Variants in METAP1D observed in about 807,000 individuals in gnomAD.
The protein encoded by METAP1D is methionine aminopeptidase 1D, mitochondrial.
METAP1D carries 31 observed loss-of-function variants against 40.5 expected under a neutral mutation model. The observed-to-expected ratio is 0.77, with a 90% CI of 0.58 to 1.03. METAP1D has a LOEUF of 1.03. Ranked by LOEUF, METAP1D falls within the 50% of genes least tolerant of loss-of-function variation. The pLI is 0.00. For missense variants in METAP1D, 411 were observed against 420.7 expected (o/e 0.98, Z 0.20); for synonymous variants, 151 against 146.4 (o/e 1.03, Z -0.22).
chr2:172,000,053 T>C, intron 1 of METAP1D, 44 bp downstream of exon 1: 1 of 1,270,370 alleles, frequency 7.9e-7, no homozygotes, highest in Non-Finnish European at 1.0e-6. Flanking sequence ...GCACGGTTGC[T>C]CACTAGGTAC....
intron 6 of METAP1D, among the ~76,000 whole-genome samples, chr2:172,075,910 G>C (rs1009998089): frequency 6.6e-6 from 1 of 152,162 alleles, no homozygotes; most frequent in Non-Finnish European, 1.5e-5. Context: ...ATGACACACA[G>C]ATTCTATGAT....
At position 172,034,405 on chromosome 2, in the gene METAP1D, TTGTGTG is replaced by T. The variant is rs377629727; in HGVS notation, c.41-27071_41-27066del. Among the ~76,000 whole-genome samples, 109 of 142,148 alleles carry T rather than the reference TTGTGTG, an allele frequency of 7.7e-4. 1 individual carries two copies. Among genetic ancestry groups the T allele is most frequent in the African/African-American group, 2.5e-3 (99 of 39,400 alleles). The allele number at this position is 142,148 out of a possible 152,430, so 93.3% of individuals were successfully genotyped here. A position where few individuals can be genotyped will look rare whatever the true frequency, so the allele number is the denominator to read the frequency against. ...CATTAGCCTCCATAAGTCTCAGTTTTTGTGTGTGTGTGTGTGTGTGTGTGTGTTATT... is the reference window on the plus strand; with the variant it reads ...CATTAGCCTCCATAAGTCTCAGTTTTTGTGTGTGTGTGTGTGTGTGTTATT... On this transcript the variant is annotated intron_variant, in intron 1 of 9. Transcript: ENST00000315796.
intron 1 of METAP1D, among the ~76,000 whole-genome samples, chr2:172,048,141 A>T (rs1235143144): frequency 6.6e-6 from 1 of 152,168 alleles, no homozygotes; most frequent in African/African-American, 2.4e-5. Context: ...TGGCCCTGTG[A>T]TGGAGTGAGG....
chr2:172,028,401 G>A (rs1342679939), intron 1 of METAP1D, among the ~76,000 whole-genome samples: 2 of 152,208 alleles, frequency 1.3e-5, no homozygotes, highest in African/African-American at 2.4e-5. Flanking sequence ...ACCATTGCAG[G>A]CCCTCAAGGC....
At position 172,045,303 on chromosome 2, in the gene METAP1D, CATT is replaced by C. The variant is rs1188499981; in HGVS notation, c.41-16194_41-16192del. Among the ~76,000 whole-genome samples, 4 of 133,650 alleles carry C rather than the reference CATT, an allele frequency of 3.0e-5. 2 individuals carry two copies. Among genetic ancestry groups the C allele is most frequent in the African/African-American group, 5.1e-5 (2 of 39,552 alleles). 87.7% of individuals were successfully genotyped at this position (133,650 alleles called of 152,430 possible). On this transcript the variant is annotated intron_variant, in intron 1 of 9. Coordinates refer to ENST00000315796, the MANE Select transcript of METAP1D (RefSeq NM_199227.3). ...AAAAAGGACCTACCAAAATGCTCAT[CATT>C]GTTTAAATAAGGTACTATGTGATCC...
Position 172,063,877 on chromosome 2 carries a change from C to A in METAP1D, c.348+17C>A. 6.3e-7 allele frequency: 1 copy of A among 1,590,810 alleles called. No individual in the cohort carries two copies. The highest frequency in any genetic ancestry group is 8.5e-7 in the Non-Finnish European group (1 of 1,171,220). ...AGTTTAAAGGTGGCGTCTCACCAAG[C>A]CTCAGAACGACTTACATAAGGGGCA... is the stretch of plus-strand genomic sequence containing the variant. On this transcript the variant is annotated intron_variant, in intron 3 of 9. Transcript: ENST00000315796.
chr2:172,010,656 C>A (rs2105378251), intron 1 of METAP1D, among the ~76,000 whole-genome samples: 1 of 151,348 alleles, frequency 6.6e-6, no homozygotes, highest in East Asian at 1.9e-4. Context: ...CCTCGCCTGG[C>A]TAGTTTTTGT....
At chr2:172,015,852 G>A (rs540949258) in intron 1 of METAP1D, among the ~76,000 whole-genome samples, 35 of 152,180 alleles carry the variant, frequency 2.3e-4, no homozygotes, top group African/African-American at 8.4e-4. Flanking sequence ...CTACTCGGGA[G>A]GCTGAGGTAG....
intron 6 of METAP1D, among the ~76,000 whole-genome samples, chr2:172,077,152 A>G (rs1336111279): frequency 1.3e-5 from 2 of 152,232 alleles, no homozygotes; most frequent in Admixed American, 6.5e-5. Context: ...TAGTGATTAA[A>G]AAGCATTCTT....
intron 1 of METAP1D, among the ~76,000 whole-genome samples, chr2:172,010,571 A>G (rs1018455869): frequency 7.2e-6 from 1 of 138,640 alleles, no homozygotes; most frequent in Non-Finnish European, 1.5e-5. Flanking sequence ...TCAGCTCACT[A>G]CAACCTGTGC....
intron 5 of METAP1D, among the ~76,000 whole-genome samples, chr2:172,067,588 A>C (rs1309208437): frequency 6.6e-6 from 1 of 152,146 alleles, no homozygotes; most frequent in South Asian, 2.1e-4. Flanking sequence ...TTTATTTTGG[A>C]TTGTACCTGA....
intron 5 of METAP1D, among the ~76,000 whole-genome samples, chr2:172,069,253 G>A (rs181714081): frequency 6.6e-5 from 10 of 152,252 alleles, no homozygotes; most frequent in African/African-American, 2.2e-4. Context: ...AATATGAAAA[G>A]ATGAATAAAG....
chr2:172,071,341 G>A (rs1690417719), intron 6 of METAP1D, among the ~76,000 whole-genome samples: 1 of 152,140 alleles, frequency 6.6e-6, no homozygotes, highest in Non-Finnish European at 1.5e-5. Context: ...TGACATACTG[G>A]TCTATAGTTT....
chr2:172,036,121 T>C (rs141524887), intron 1 of METAP1D, among the ~76,000 whole-genome samples: 5 of 151,508 alleles, frequency 3.3e-5, no homozygotes, highest in East Asian at 2.0e-4. Flanking sequence ...ATCAAGACCA[T>C]CCTGGCTAAC....
chr2:172,014,573 G>GAAGAACCAATC (rs1268871102), intron 1 of METAP1D, among the ~76,000 whole-genome samples: 1 of 152,220 alleles, frequency 6.6e-6, no homozygotes, highest in Non-Finnish European at 1.5e-5. Flanking sequence ...TGACCAAGAA[G>GAAGAACCAATC]TTGGACAGTA....
intron 1 of METAP1D, among the ~76,000 whole-genome samples, chr2:172,041,726 T>TTATATATATATA (rs67708838): frequency 0.017 from 643 of 37,496 alleles, 21 homozygotes; most frequent in African/African-American, 0.021. Context: ...TCTAATTATT[T>TTATATATATATA]TATATATATA....
At chr2:172,069,353 T>A (rs192333976) in intron 5 of METAP1D, among the ~76,000 whole-genome samples, 2 of 152,352 alleles carry the variant, frequency 1.3e-5, no homozygotes, top group African/African-American at 4.8e-5. Flanking sequence ...TTAGCAAATT[T>A]TATATTCTTG....
chr2:172,015,093 C>A (rs1457895078), intron 1 of METAP1D, among the ~76,000 whole-genome samples: 1 of 152,164 alleles, frequency 6.6e-6, no homozygotes, highest in African/African-American at 2.4e-5. Flanking sequence ...AAAATAGCCA[C>A]AAAATTTCAT....
At chr2:172,003,212 A>C (rs1023515675) in intron 1 of METAP1D, among the ~76,000 whole-genome samples, 26 of 152,140 alleles carry the variant, frequency 1.7e-4, no homozygotes, top group Non-Finnish European at 3.5e-4. Context: ...CCAAGAGAGA[A>C]GGTAACAAGG....
Sources: allele counts gnomAD v4.1 joint callset (sites outside exome capture counted in the v4.1 genomes callset), GRCh38; gene constraint gnomAD v4.1.1; transcripts MANE v1.5; gene names NCBI Gene and HGNC (gene_info 2026-07-23, HGNC 2026-07-21).